KCNMA1: variants seen among roughly 807,000 people sequenced by gnomAD.
The protein encoded by KCNMA1 is potassium calcium-activated channel subfamily M alpha 1, also known as Calcium-activated potassium channel subunit alpha-1.
In KCNMA1, 29 loss-of-function variants were observed where a neutral mutation model predicts 140.0. The ratio of observed to expected loss-of-function variants is 0.21; its 90% CI spans 0.15 to 0.28. The LOEUF is 0.28. KCNMA1 is among the 10% of genes least tolerant of loss of function. The pLI is 1.00. For synonymous variants in KCNMA1, 612 were observed against 611.9 expected (o/e 1.00, Z 0.00); for missense variants, 880 against 1,602.2 (o/e 0.55, Z 7.70).
chr10:77,412,803 GA>G (rs1603501673), intron 1 of KCNMA1, among the ~76,000 whole-genome samples: 1 of 152,176 alleles, frequency 6.6e-6, no homozygotes, highest in Non-Finnish European at 1.5e-5. Context: ...AAAAACATTA[GA>G]AATCCCCTGA....
chr10:77,535,639 C>T (rs1277711680), intron 1 of KCNMA1, among the ~76,000 whole-genome samples: 1 of 152,190 alleles, frequency 6.6e-6, no homozygotes, highest in Non-Finnish European at 1.5e-5. Flanking sequence ...CGGAATCAAC[C>T]TGAGTGTCCA....
chr10:76,937,187 C>T (rs2060789189), intron 23 of KCNMA1, among the ~76,000 whole-genome samples: 1 of 152,190 alleles, frequency 6.6e-6, no homozygotes, highest in Non-Finnish European at 1.5e-5. Flanking sequence ...TTATGTTGGG[C>T]TAAAATCCTG....
intron 1 of KCNMA1, among the ~76,000 whole-genome samples, chr10:77,622,524 G>T (rs1306849109): frequency 1.3e-5 from 2 of 152,174 alleles, no homozygotes; most frequent in Admixed American, 1.3e-4. Flanking sequence ...TAATACCACC[G>T]AATTCACTGG....
intron 23 of KCNMA1, among the ~76,000 whole-genome samples, chr10:76,930,898 A>T (rs1223645584): frequency 1.3e-5 from 2 of 152,222 alleles, no homozygotes; most frequent in African/African-American, 4.8e-5. Context: ...TAGAAGGACA[A>T]ATACTGTATG....
intron 9 of KCNMA1, among the ~76,000 whole-genome samples, chr10:77,094,046 T>A (rs2096873519): frequency 6.6e-6 from 1 of 152,186 alleles, no homozygotes; most frequent in African/African-American, 2.4e-5. Context: ...TATCCTGATA[T>A]CTAAGGAGAT....
intron 1 of KCNMA1, chr10:77,635,613 G>A (rs1180184324): frequency 6.6e-6 from 1 of 152,242 alleles, no homozygotes; most frequent in African/African-American, 2.4e-5. Flanking sequence ...CAGCAGGAAG[G>A]CTAGTCAGGG....
At chr10:77,368,190 T>A (rs2154408324) in intron 2 of KCNMA1, among the ~76,000 whole-genome samples, 1 of 152,334 alleles carries the variant, frequency 6.6e-6, no homozygotes, top group East Asian at 1.9e-4. Context: ...TTGCCCCCCA[T>A]CCTCATCACT....
chr10:77,041,918 G>C (rs1383900561), intron 14 of KCNMA1, among the ~76,000 whole-genome samples: 1 of 152,130 alleles, frequency 6.6e-6, no homozygotes, highest in Non-Finnish European at 1.5e-5. Context: ...AGGAACAGTG[G>C]GCAAGGGCAC....
intron 1 of KCNMA1, among the ~76,000 whole-genome samples, chr10:77,568,113 G>A (rs1038239529): frequency 1.3e-5 from 2 of 152,204 alleles, no homozygotes; most frequent in East Asian, 1.9e-4. Flanking sequence ...ATGAAAAAGA[G>A]TCCAAGACCA....
rs371738086 is a variant in KCNMA1 at position 77,082,544 on chromosome 10, G to A, written c.1523+2093C>T. Among the ~76,000 whole-genome samples, 29 of 152,240 alleles carry A rather than the reference G, an allele frequency of 1.9e-4. No individual in the cohort carries two copies. In the South Asian group the frequency reaches 5.0e-3, roughly 26 times the overall value. On this transcript the variant is annotated intron_variant, in intron 12 of 27. Coordinates refer to ENST00000286628, the MANE Select transcript of KCNMA1 (RefSeq NM_001161352.2). ...TTTTCCATTTGGAATTTTGAAGACA[G>A]TGAAGCCAGGTTCCTTAAAGGGTTA...
Position 77,637,566 on chromosome 10 carries a change from C to T in KCNMA1, c.77G>A (p.Ser26Asn). ...GAGATGGTTCGCGTGGATATTGCTA[C>T]TCATTCTAAGACTGCTGCCTCCGCC... The part of the protein sequence containing the change: ...GGGGGSSLRM[S>N]SNIHANHLSL... The change falls in exon 1 of 28, where the codon AGT (serine) becomes AAT (asparagine). Residue 26 changes from serine to asparagine, a missense_variant. Ser to Asn is a conservative substitution (Grantham distance 46, BLOSUM62 1). Coordinates refer to ENST00000286628, the MANE Select transcript of KCNMA1 (RefSeq NM_001161352.2). 6.5e-7 allele frequency: 1 copy of T among 1,542,278 alleles called. No homozygotes were observed. Among genetic ancestry groups the T allele is most frequent in the African/African-American group, 1.4e-5 (1 of 73,066 alleles).
intron 15 of KCNMA1, among the ~76,000 whole-genome samples, chr10:77,029,742 T>G (rs2093775605): frequency 6.6e-6 from 1 of 151,956 alleles, no homozygotes; most frequent in African/African-American, 2.4e-5. Flanking sequence ...GGGAAAGAGC[T>G]TTCTAGGAAG....
chr10:77,304,731 C>A (rs1268614040), intron 2 of KCNMA1, among the ~76,000 whole-genome samples: 1 of 152,144 alleles, frequency 6.6e-6, no homozygotes, highest in East Asian at 1.9e-4. Flanking sequence ...CCTGAGCAAC[C>A]AATTAATATT....
In KCNMA1 at chr10:76,966,959, G is replaced by C. The variant is rs148428501; in HGVS notation, c.2360+3015C>G. Among the ~76,000 whole-genome samples the C allele has an allele frequency of 5.3e-5, 8 of 152,262 alleles. No individual in the cohort carries two copies. The East Asian group carries it at 1.5e-3, about 29-fold the overall frequency. On this transcript the variant is annotated intron_variant, in intron 20 of 27. Coordinates refer to ENST00000286628, the MANE Select transcript of KCNMA1 (RefSeq NM_001161352.2). ...AAACAAGGCTGTTCACCTAATGATC[G>C]TGCAGAGTTAAGTGACACTTAAACA...
At chr10:76,946,588 A>C (rs2064032796) in intron 22 of KCNMA1, among the ~76,000 whole-genome samples, 1 of 152,218 alleles carries the variant, frequency 6.6e-6, no homozygotes, top group South Asian at 2.1e-4. Context: ...CTGCTGAGAC[A>C]CAACTAGTTC....
In KCNMA1 at chr10:77,366,299, G is replaced by C. The variant is rs187262847; in HGVS notation, c.540+37563C>G. On this transcript the variant is annotated intron_variant, in intron 2 of 27. Transcript: ENST00000286628. ...TTCTCCTGTCTCAGCCCCTGGAGTA[G>C]TTGAGATTACAGGTGCCTGCCACCA... 2.1e-3 allele frequency among the ~76,000 whole-genome samples: 315 copies of C among 152,206 alleles called. 1 individual carries two copies. The highest frequency in any genetic ancestry group is 7.1e-3 in the African/African-American group (295 of 41,524).
At chr10:77,612,810 C>T (rs1369618655) in intron 1 of KCNMA1, among the ~76,000 whole-genome samples, 4 of 152,140 alleles carry the variant, frequency 2.6e-5, no homozygotes, top group Admixed American at 6.5e-5. Context: ...CTCCCTGACA[C>T]ACCTCCTTGC....
At chr10:77,397,233 C>G (rs1470781707) in intron 2 of KCNMA1, among the ~76,000 whole-genome samples, 1 of 152,142 alleles carries the variant, frequency 6.6e-6, no homozygotes, top group Non-Finnish European at 1.5e-5. Flanking sequence ...CTTAGAGAAT[C>G]TCTTCGCCTC....
rs551302009 is a variant in KCNMA1 at position 77,423,925 on chromosome 10, T to C, written c.379-19902A>G. On this transcript the variant is annotated intron_variant, in intron 1 of 27. Coordinates refer to ENST00000286628, the MANE Select transcript of KCNMA1 (RefSeq NM_001161352.2). ...CATGTAATTTCAAATGTCCAGTCCA[T>C]CCATGAACAATATGTTAGCCTTTGG... is the stretch of plus-strand genomic sequence containing the variant. Among the ~76,000 whole-genome samples the C allele has an allele frequency of 4.6e-5, 7 of 152,276 alleles. No homozygotes were observed. The South Asian group carries it at 1.0e-3, about 23-fold the overall frequency.
Sources: gnomAD v4.1 joint callset for allele counts (sites outside exome capture counted in the v4.1 genomes callset) on GRCh38, gnomAD v4.1.1 for gene constraint, MANE v1.5 for transcripts, NCBI Gene and HGNC (gene_info 2026-07-23, HGNC 2026-07-21) for gene names.